Variants in CDH11 observed in about 807,000 individuals in gnomAD.
The protein encoded by CDH11 is cadherin 11.
Under a neutral mutation model 67.8 loss-of-function variants are expected in CDH11, and 11 were observed. That is an observed-to-expected ratio of 0.16 (90% CI 0.10 to 0.27). CDH11 has a LOEUF of 0.27. Among genes scored for constraint, CDH11 ranks in the 10% least tolerant of loss-of-function variants. CDH11 has a pLI of 1.00. For synonymous variants in CDH11, 419 were observed against 400.0 expected (o/e 1.05, Z -0.57); for missense variants, 847 against 1,031.2 (o/e 0.82, Z 2.45).
At chr16:64,980,400 A>T (rs2072301150) in intron 8 of CDH11, among the ~76,000 whole-genome samples, 1 of 152,170 alleles carries the variant, frequency 6.6e-6, no homozygotes, top group Non-Finnish European at 1.5e-5. Context: ...TGTCCCTGTG[A>T]TGTAGCCTGG....
At chr16:64,948,184 A>G in intron 12 of CDH11, 85 bp from the exon 13 acceptor site, 1 of 1,507,948 alleles carries the variant, frequency 6.6e-7, no homozygotes, top group South Asian at 1.3e-5. Flanking sequence ...ATTACCATAA[A>G]CCATGAGGTA....
chr16:64,964,661 G>A (rs555354394), intron 11 of CDH11, among the ~76,000 whole-genome samples: 1 of 152,176 alleles, frequency 6.6e-6, no homozygotes, highest in East Asian at 1.9e-4. Flanking sequence ...TCATTCTCCT[G>A]CCTCAGCCTC....
In CDH11 at chr16:65,087,651, C is replaced by T. The variant is rs74026255; in HGVS notation, c.-297-33723G>A. ...CACAAGCTGCTCAGAATGATATTCT[C>T]GGGGCTGATCGAGAATTGCTATGAC... On this transcript the variant is annotated intron_variant, in intron 1 of 12. Coordinates refer to ENST00000268603, the MANE Select transcript of CDH11 (RefSeq NM_001797.4). Among the ~76,000 whole-genome samples, 1,313 of 152,184 alleles carry T rather than the reference C, an allele frequency of 8.6e-3. 28 individuals carry two copies. The highest frequency in any genetic ancestry group is 0.03 in the African/African-American group (1,243 of 41,512).
At chr16:64,974,803 C>G (rs938498236) in intron 8 of CDH11, among the ~76,000 whole-genome samples, 2 of 152,144 alleles carry the variant, frequency 1.3e-5, no homozygotes, top group African/African-American at 4.8e-5. Flanking sequence ...CATGACAACA[C>G]ACATGTGGGA....
intron 1 of CDH11, among the ~76,000 whole-genome samples, chr16:65,065,925 C>G (rs996481197): frequency 1.3e-5 from 2 of 152,190 alleles, no homozygotes; most frequent in Non-Finnish European, 2.9e-5. Flanking sequence ...CATAGATAAC[C>G]CCTATTTGAA....
At chr16:65,029,204 A>G (rs923470316) in intron 2 of CDH11, among the ~76,000 whole-genome samples, 1 of 152,206 alleles carries the variant, frequency 6.6e-6, no homozygotes, top group African/African-American at 2.4e-5. Context: ...AAAAAGTACT[A>G]TTACCATAAA....
At chr16:65,034,952 G>A (rs1265352962) in intron 2 of CDH11, among the ~76,000 whole-genome samples, 3 of 152,194 alleles carry the variant, frequency 2.0e-5, no homozygotes, top group Non-Finnish European at 2.9e-5. Flanking sequence ...AGTCCCCCTC[G>A]ACCCTCGAGT....
At chr16:65,109,824 A>G (rs942975972) in intron 1 of CDH11, among the ~76,000 whole-genome samples, 16 of 152,206 alleles carry the variant, frequency 1.1e-4, no homozygotes, top group Non-Finnish European at 2.4e-4. Context: ...ACTTCTACCC[A>G]GGTCCTGACA....
At chr16:65,017,979 GC>G in intron 2 of CDH11, among the ~76,000 whole-genome samples, 1 of 152,278 alleles carries the variant, frequency 6.6e-6, no homozygotes, top group East Asian at 1.9e-4. Flanking sequence ...ACTATACTTG[GC>G]CTGATTTTCT....
intron 2 of CDH11, among the ~76,000 whole-genome samples, chr16:65,010,973 A>T (rs201771093): frequency 1.2e-4 from 13 of 106,504 alleles, no homozygotes; most frequent in Non-Finnish European, 2.0e-4. Context: ...ATATGTGTTT[A>T]TATATATATA....
intron 7 of CDH11, chr16:64,982,691 T>C (rs570817371): frequency 5.8e-6 from 1 of 172,178 alleles, no homozygotes; most frequent in East Asian, 1.7e-4. Flanking sequence ...CCACTGAATT[T>C]CAGCCAAAAA....
intron 11 of CDH11, among the ~76,000 whole-genome samples, chr16:64,961,178 C>T (rs921670240): frequency 6.6e-6 from 1 of 152,006 alleles, no homozygotes; most frequent in Non-Finnish European, 1.5e-5. Context: ...TTGATGAAAG[C>T]CACACTGACA....
intron 1 of CDH11, among the ~76,000 whole-genome samples, chr16:65,120,874 C>A (rs2075314551): frequency 6.6e-6 from 1 of 152,188 alleles, no homozygotes; most frequent in Admixed American, 6.5e-5. Flanking sequence ...CGCTTCACAG[C>A]GTGAGGCGGG....
chr16:64,971,510 C>A, intron 11 of CDH11, 69 bp downstream of exon 11: 1 of 841,768 alleles, frequency 1.2e-6, no homozygotes, highest in South Asian at 1.5e-5. Flanking sequence ...AATACTTGTG[C>A]TATGCAATGT....
intron 1 of CDH11, among the ~76,000 whole-genome samples, chr16:65,111,060 A>T (rs570542645): frequency 9.2e-5 from 14 of 152,330 alleles, no homozygotes; most frequent in African/African-American, 3.4e-4. Context: ...TTATAAGGCA[A>T]GGTTGGAACT....
chr16:64,973,610 A>G (rs527927077), intron 8 of CDH11, among the ~76,000 whole-genome samples: 1 of 152,270 alleles, frequency 6.6e-6, no homozygotes, highest in East Asian at 1.9e-4. Flanking sequence ...GTTCAGGACC[A>G]GCCTGACCAA....
chr16:64,956,463 A>T (rs754732444), intron 11 of CDH11, among the ~76,000 whole-genome samples: 12 of 152,252 alleles, frequency 7.9e-5, no homozygotes, highest in Non-Finnish European at 1.0e-4. Flanking sequence ...AGGACTCTTC[A>T]TTCAAAGGTA....
intron 1 of CDH11, among the ~76,000 whole-genome samples, chr16:65,087,989 T>C (rs1339938050): frequency 6.6e-6 from 1 of 152,210 alleles, no homozygotes; most frequent in Non-Finnish European, 1.5e-5. Context: ...TGATATGATC[T>C]GAATGTTGAT....
At chr16:65,036,556 C>G (rs751763116) in intron 2 of CDH11, among the ~76,000 whole-genome samples, 35 of 152,246 alleles carry the variant, frequency 2.3e-4, no homozygotes, top group Middle Eastern at 3.4e-3. Context: ...CCCAACTACC[C>G]TATTAGGGTC....
Sources: allele counts gnomAD v4.1 joint callset (sites outside exome capture counted in the v4.1 genomes callset), GRCh38; gene constraint gnomAD v4.1.1; transcripts MANE v1.5; gene names NCBI Gene and HGNC (gene_info 2026-07-23, HGNC 2026-07-21).